Variants in THAP3 observed in about 807,000 individuals in gnomAD.
The protein encoded by THAP3 is THAP domain containing 3, also known as THAP domain-containing protein 3.
THAP3 carries 12 observed loss-of-function variants against 17.7 expected under a neutral mutation model. The ratio of observed to expected loss-of-function variants is 0.68; its 90% confidence interval spans 0.43 to 1.10. The LOEUF (loss-of-function observed/expected upper bound fraction) is 1.10. Among genes scored for constraint, THAP3 ranks in the 50% least tolerant of loss-of-function variants. The pLI is 0.00. For missense variants in THAP3, 289 were observed against 318.0 expected (o/e 0.91, Z 0.69); for synonymous variants, 133 against 126.9 (o/e 1.05, Z -0.32).
rs919294619 is a variant in THAP3 at position 6,633,231 on chromosome 1, G to T, written c.*154G>T. The T allele has an allele frequency of 6.9e-7, 1 of 1,444,930 alleles. No individual in the cohort carries two copies. The highest frequency in any genetic ancestry group is 9.0e-7 in the Non-Finnish European group (1 of 1,106,190). The allele number at this position is 1,444,930 out of a possible 1,614,324, so 89.5% of individuals were successfully genotyped here. On this transcript the variant is annotated 3_prime_UTR_variant, in exon 6 of 6. Transcript: ENST00000054650. ...GATCGAGACAGTAGCCAAGCTCCCC[G>T]GCGAGAGCCCCAATGCCGTCTGGGG...
intron 2 of THAP3, 170 bp from the exon 3 acceptor site, chr1:6,628,329 A>C (rs1342835632): frequency 3.3e-6 from 2 of 609,376 alleles, no homozygotes; most frequent in Admixed American, 3.3e-5. Flanking sequence ...AGAGTGCTTT[A>C]ACAGCTGTGA....
At chr1:6,629,386 C>A (rs1421688720) in intron 3 of THAP3, among the ~76,000 whole-genome samples, 1 of 152,158 alleles carries the variant, frequency 6.6e-6, no homozygotes, top group Non-Finnish European at 1.5e-5. Context: ...AACAAAGCGG[C>A]CACGTAGCAA....
At chr1:6,625,389 T>A in intron 2 of THAP3, 97 bp downstream of exon 2, 1 of 1,140,640 alleles carries the variant, frequency 8.8e-7, no homozygotes, top group Non-Finnish European at 1.1e-6. Context: ...CCCAAAGGCG[T>A]GCGGCCGCTG....
chr1:6,625,346 C>T (rs1641436169), intron 2 of THAP3, 54 bp downstream of exon 2: 9 of 1,481,310 alleles, frequency 6.1e-6, no homozygotes, highest in Admixed American at 4.4e-5. Context: ...GCCCGCGGAC[C>T]GACTCCGAGG....
chr1:6,634,271 C>A, downstream of THAP3: 1 of 854,336 alleles, frequency 1.2e-6, no homozygotes. Flanking sequence ...CAGAGGCGCA[C>A]GGGAAGCCCG....
chr1:6,635,527 G>T, downstream of THAP3: 1 of 872,240 alleles, frequency 1.1e-6, no homozygotes. Flanking sequence ...GTGTCTGCAT[G>T]TCCCTTCACA....
At chr1:6,625,613 C>T (rs1378961029) in intron 2 of THAP3, among the ~76,000 whole-genome samples, 2 of 149,224 alleles carry the variant, frequency 1.3e-5, no homozygotes, top group South Asian at 2.1e-4. Context: ...CCGCCGCGCG[C>T]GGTCCTGAAG....
intron 4 of THAP3, among the ~76,000 whole-genome samples, chr1:6,631,912 T>TA (rs1641625325): frequency 6.7e-6 from 1 of 148,380 alleles, no homozygotes. Context: ...TAGCCAGGTG[T>TA]AGTGGCATGT....
chr1:6,629,718 G>GCT (rs1641558200), intron 3 of THAP3: 1 of 153,768 alleles, frequency 6.5e-6, no homozygotes, highest in South Asian at 2.0e-4. Context: ...CAGCCCAGGT[G>GCT]CTCGGGGTAT....
intron 2 of THAP3, among the ~76,000 whole-genome samples, chr1:6,625,941 T>C (rs907723810): frequency 6.6e-6 from 1 of 152,184 alleles, no homozygotes; most frequent in African/African-American, 2.4e-5. Context: ...GTATACGTAA[T>C]GTACATGCAG....
Position 6,633,371 on chromosome 1 carries a change from C to T in THAP3, c.*294C>T, listed in dbSNP as rs551416388. 3.9e-5 allele frequency: 50 copies of T among 1,282,122 alleles called. No individual in the cohort carries two copies. Among genetic ancestry groups the T allele is most frequent in the South Asian group, 1.7e-4 (10 of 57,492 alleles). 79.4% of individuals were successfully genotyped at this position (1,282,122 alleles called of 1,614,324 possible). A position where few individuals can be genotyped will look rare whatever the true frequency, so the allele number is the denominator to read the frequency against. On this transcript the variant is annotated 3_prime_UTR_variant, in exon 6 of 6. Transcript: ENST00000054650. ...TTCTGGACGCTGTCCTTTCAGCACACGCAGAGCAAAGATCGTTGGAAGCCC... is the reference window on the plus strand; with the variant it reads ...TTCTGGACGCTGTCCTTTCAGCACATGCAGAGCAAAGATCGTTGGAAGCCC...
At chr1:6,633,908 C>G (rs1641698912), downstream of THAP3, 1 of 951,836 alleles carries the variant, frequency 1.1e-6, no homozygotes, top group African/African-American at 1.6e-5. Context: ...CAGAGCGAGA[C>G]TCAGTCTGAA....
chr1:6,633,549 AGT>A lies in THAP3; in HGVS notation c.*475_*476del. Reference sequence around the variant, plus strand: ...CTGGTGTGAGTGGGCAGTGTAATAAAGTGTCTTTCTATACGGTGTCGCTCCCA... The same window carrying A: ...CTGGTGTGAGTGGGCAGTGTAATAAAGTCTTTCTATACGGTGTCGCTCCCA... On this transcript the variant is annotated 3_prime_UTR_variant, in exon 6 of 6. Transcript: ENST00000054650. 1 of 1,086,534 alleles carries A rather than the reference AGT, an allele frequency of 9.2e-7. No individual in the cohort carries two copies. The highest frequency in any genetic ancestry group is 1.1e-6 in the Non-Finnish European group (1 of 891,262). 67.3% of individuals were successfully genotyped at this position (1,086,534 alleles called of 1,614,324 possible).
chr1:6,631,081 A>G (rs1570246895), intron 4 of THAP3, among the ~76,000 whole-genome samples: 1 of 151,876 alleles, frequency 6.6e-6, no homozygotes, highest in Non-Finnish European at 1.5e-5. Flanking sequence ...CATGGCTCGC[A>G]GCAGCCTCAA....
At chr1:6,632,201 G>A (rs1040290404) in intron 4 of THAP3, among the ~76,000 whole-genome samples, 190 bp from the exon 5 acceptor site, 8 of 145,996 alleles carry the variant, frequency 5.5e-5, no homozygotes, top group African/African-American at 2.0e-4. Flanking sequence ...AAGTGACAGA[G>A]CGAGACTGTC....
At chr1:6,634,454 AGGC>A, downstream of THAP3, 3 of 1,294,230 alleles carry the variant, frequency 2.3e-6, no homozygotes, top group South Asian at 2.6e-5. Context: ...CTGGGGAGGG[AGGC>A]CTGACTTCAG....
downstream of THAP3, chr1:6,634,137 T>C (rs1445042700): frequency 2.6e-6 from 4 of 1,535,146 alleles, no homozygotes; most frequent in Admixed American, 3.4e-5. Context: ...CTCCTGAAGA[T>C]GAACACACAA....
Position 6,629,761 on chromosome 1 carries a change from C to T in THAP3, c.268-527C>T, listed in dbSNP as rs111757882. On this transcript the variant is annotated intron_variant, in intron 3 of 5. Transcript: ENST00000054650. ...TAGATGAACACTTTAATCACCTTCA[C>T]GTATTTGTGATAACGTTTGTCCTGG... 2.7e-3 allele frequency: 442 copies of T among 163,528 alleles called. 3 individuals are homozygous for T. Among genetic ancestry groups the T allele is most frequent in the African/African-American group, 0.01 (420 of 41,928 alleles). The allele number at this position is 163,528 out of a possible 1,614,324, so 10.1% of individuals were successfully genotyped here.
At chr1:6,628,757 C>T (rs1341063771) in intron 3 of THAP3, 66 bp downstream of exon 3, 7 of 1,499,698 alleles carry the variant, frequency 4.7e-6, no homozygotes, top group Admixed American at 2.0e-5. Flanking sequence ...CAGCTGGGGG[C>T]AGTGGGGGTG....
Sources: gnomAD v4.1 joint callset for allele counts (sites outside exome capture counted in the v4.1 genomes callset) on GRCh38, gnomAD v4.1.1 for gene constraint, MANE v1.5 for transcripts, NCBI Gene and HGNC (gene_info 2026-07-23, HGNC 2026-07-21) for gene names.